ENPEP: variants seen among roughly 807,000 people sequenced by gnomAD.
ENPEP encodes the protein glutamyl aminopeptidase.
ENPEP carries 103 observed loss-of-function variants against 114.5 expected under a neutral mutation model. The observed-to-expected ratio is 0.90, with a 90% CI of 0.77 to 1.06. The LOEUF is 1.06. Ranked by LOEUF, ENPEP falls within the 50% of genes least tolerant of loss-of-function variation. The probability of loss-of-function intolerance (pLI) is 0.00; values close to 1 mark genes in which losing one functional copy is unlikely to be tolerated. For synonymous variants in ENPEP, 420 were observed against 422.0 expected (o/e 1.00, Z 0.06); for missense variants, 1,196 against 1,161.3 (o/e 1.03, Z -0.43).
At chr4:110,505,768 A>G (rs1458439622) in intron 3 of ENPEP, among the ~76,000 whole-genome samples, 1 of 152,210 alleles carries the variant, frequency 6.6e-6, no homozygotes, top group African/African-American at 2.4e-5. Context: ...AACTTTTAGC[A>G]GACACTAGTT....
intron 1 of ENPEP, among the ~76,000 whole-genome samples, chr4:110,487,290 C>A (rs1460416522): frequency 3.3e-5 from 5 of 152,174 alleles, no homozygotes; most frequent in Admixed American, 3.3e-4. Context: ...CAGGAAAGTG[C>A]TATTATCAAT....
chr4:110,487,793 A>AT (rs1315935294), intron 1 of ENPEP, among the ~76,000 whole-genome samples: 1 of 152,270 alleles, frequency 6.6e-6, no homozygotes, highest in African/African-American at 2.4e-5. Flanking sequence ...TATGCTATTG[A>AT]TTTTTTTGAG....
intron 10 of ENPEP, among the ~76,000 whole-genome samples, chr4:110,525,590 A>C (rs1345492721): frequency 6.6e-6 from 1 of 152,212 alleles, no homozygotes; most frequent in South Asian, 2.1e-4. Flanking sequence ...TTATAGTCAC[A>C]TATATAAATT....
chr4:110,560,715 T>C (rs1408979293), intron 19 of ENPEP, among the ~76,000 whole-genome samples: 1 of 152,164 alleles, frequency 6.6e-6, no homozygotes, highest in Non-Finnish European at 1.5e-5. Context: ...TTCATAGTTT[T>C]GCAATTTCAA....
chr4:110,556,604 A>G (rs1727482646), intron 18 of ENPEP, among the ~76,000 whole-genome samples: 1 of 151,904 alleles, frequency 6.6e-6, no homozygotes, highest in African/African-American at 2.4e-5. Flanking sequence ...GTTTTTTTTA[A>G]TGTCCTTGAC....
intron 1 of ENPEP, among the ~76,000 whole-genome samples, chr4:110,484,754 TTA>T (rs938275845): frequency 6.3e-5 from 8 of 127,048 alleles, no homozygotes; most frequent in African/African-American, 2.5e-4. Flanking sequence ...ATATTATATT[TTA>T]TATATATATT....
intron 6 of ENPEP, among the ~76,000 whole-genome samples, chr4:110,510,740 G>T (rs1232163012): frequency 6.6e-6 from 1 of 152,116 alleles, no homozygotes; most frequent in Admixed American, 6.6e-5. Flanking sequence ...CAGACAGATT[G>T]CAGAAACAGT....
chr4:110,553,781 T>C (rs1212431990), intron 18 of ENPEP, among the ~76,000 whole-genome samples: 1 of 152,012 alleles, frequency 6.6e-6, no homozygotes, highest in Non-Finnish European at 1.5e-5. Context: ...AGGCACATAT[T>C]TAGTTCTCAA....
intron 11 of ENPEP, among the ~76,000 whole-genome samples, chr4:110,534,697 TG>T (rs1726547510): frequency 6.6e-6 from 1 of 151,482 alleles, no homozygotes; most frequent in African/African-American, 2.4e-5. Context: ...TTAGTAAGGA[TG>T]GGGTTTCACA....
At chr4:110,533,092 G>A in intron 11 of ENPEP, 1 of 452,692 alleles carries the variant, frequency 2.2e-6, no homozygotes, top group Non-Finnish European at 4.4e-6. Context: ...ATAGTTAATT[G>A]AGGATTGGAA....
intron 1 of ENPEP, among the ~76,000 whole-genome samples, chr4:110,488,058 G>A (rs975841759): frequency 1.3e-5 from 2 of 152,232 alleles, no homozygotes; most frequent in African/African-American, 4.8e-5. Flanking sequence ...ATTAGGGACA[G>A]GGACTGGGGA....
intron 13 of ENPEP, among the ~76,000 whole-genome samples, chr4:110,543,293 C>G (rs1326395485): frequency 2.0e-5 from 3 of 152,030 alleles, no homozygotes; most frequent in Non-Finnish European, 2.9e-5. Context: ...AAAAACAAAC[C>G]TAACTTATTG....
At chr4:110,549,149 G>A (rs1017123824) in intron 14 of ENPEP, among the ~76,000 whole-genome samples, 197 bp from the exon 15 acceptor site, 5 of 151,910 alleles carry the variant, frequency 3.3e-5, no homozygotes, top group Admixed American at 1.3e-4. Context: ...AGGAAGGTCC[G>A]GGATGGTTTA....
intron 14 of ENPEP, among the ~76,000 whole-genome samples, chr4:110,548,635 C>T (rs1183378819): frequency 2.0e-5 from 3 of 151,870 alleles, no homozygotes; most frequent in Non-Finnish European, 4.4e-5. Context: ...CTAATTAGAT[C>T]TTTTTTAAAA....
intron 18 of ENPEP, among the ~76,000 whole-genome samples, chr4:110,555,818 T>C (rs1727447345): frequency 6.6e-6 from 1 of 152,020 alleles, no homozygotes; most frequent in Non-Finnish European, 1.5e-5. Flanking sequence ...AAGAAGACAA[T>C]ATTTGTAAAT....
intron 5 of ENPEP, among the ~76,000 whole-genome samples, chr4:110,510,010 G>A (rs1725516392): frequency 6.6e-6 from 1 of 152,254 alleles, no homozygotes; most frequent in Non-Finnish European, 1.5e-5. Flanking sequence ...TATGCACGAG[G>A]CCTTCATATA....
intron 11 of ENPEP, among the ~76,000 whole-genome samples, chr4:110,540,381 G>C (rs1726806759): frequency 6.6e-6 from 1 of 151,948 alleles, no homozygotes; most frequent in South Asian, 2.1e-4. Flanking sequence ...CATTTTCCAA[G>C]TGCTCCATAA....
chr4:110,534,699 G>A (rs1337866357), intron 11 of ENPEP, among the ~76,000 whole-genome samples: 1 of 151,178 alleles, frequency 6.6e-6, no homozygotes, highest in Non-Finnish European at 1.5e-5. Context: ...AGTAAGGATG[G>A]GGTTTCACAA....
chr4:110,536,332 C>T (rs1199252692), intron 11 of ENPEP, among the ~76,000 whole-genome samples: 1 of 152,256 alleles, frequency 6.6e-6, no homozygotes, highest in Non-Finnish European at 1.5e-5. Context: ...CTAGGTGGCT[C>T]TCCACCAAAT....
Sources: gnomAD v4.1 joint callset for allele counts (sites outside exome capture counted in the v4.1 genomes callset) on GRCh38, gnomAD v4.1.1 for gene constraint, MANE v1.5 for transcripts, NCBI Gene and HGNC (gene_info 2026-07-23, HGNC 2026-07-21) for gene names.